Variants in SYCE1L observed in about 807,000 individuals in gnomAD.
The protein encoded by SYCE1L is synaptonemal complex central element protein 1-like.
SYCE1L carries 51 observed loss-of-function variants against 39.6 expected under a neutral mutation model. The observed-to-expected ratio is 1.29, with a 90% CI of 1.03 to 1.63. SYCE1L has a LOEUF of 1.63. Among genes scored for constraint, SYCE1L ranks in the 40% most tolerant of loss-of-function variants. SYCE1L has a pLI of 0.00. For synonymous variants in SYCE1L, 147 were observed against 122.4 expected, an observed-to-expected ratio of 1.20 and a Z score of -1.33; for missense variants, 426 against 304.9, an observed-to-expected ratio of 1.40 and a Z score of -2.96.
intron 6 of SYCE1L, among the ~76,000 whole-genome samples, chr16:77,210,205 A>G (rs2054813085): frequency 6.6e-6 from 1 of 152,024 alleles, no homozygotes; most frequent in Non-Finnish European, 1.5e-5. Flanking sequence ...ATGCCCGGCT[A>G]ATTTTGTGTT....
At chr16:77,205,846 C>G (rs2054782342) in intron 1 of SYCE1L, among the ~76,000 whole-genome samples, 2 of 152,114 alleles carry the variant, frequency 1.3e-5, no homozygotes, top group Non-Finnish European at 1.5e-5. Flanking sequence ...CCCAAGGCAG[C>G]TTGTAAGTGC....
intron 7 of SYCE1L, 119 bp from the exon 8 acceptor site, chr16:77,212,011 G>C: frequency 8.7e-7 from 1 of 1,155,868 alleles, no homozygotes; most frequent in Non-Finnish European, 1.2e-6. Flanking sequence ...TTAATAAATA[G>C]TTGAATGAAT....
intron 1 of SYCE1L, among the ~76,000 whole-genome samples, chr16:77,204,945 T>C (rs563761349): frequency 6.6e-6 from 1 of 150,470 alleles, no homozygotes; most frequent in Non-Finnish European, 1.5e-5. Flanking sequence ...CTCAGGAGGC[T>C]GAGGCAGGAG....
At chr16:77,209,540 G>A in intron 6 of SYCE1L, 69 bp downstream of exon 6, 2 of 1,517,870 alleles carry the variant, frequency 1.3e-6, no homozygotes, top group Non-Finnish European at 8.9e-7. Context: ...CAAGAGCTGT[G>A]GAAATGAATC....
intron 1 of SYCE1L, 45 bp downstream of exon 1, chr16:77,199,557 C>T: frequency 2.9e-6 from 4 of 1,401,514 alleles, no homozygotes; most frequent in Non-Finnish European, 3.9e-6. Flanking sequence ...CCAACCAGGG[C>T]AGAAAGGAGG....
chr16:77,203,559 A>C (rs1399251255), intron 1 of SYCE1L, among the ~76,000 whole-genome samples: 1 of 151,928 alleles, frequency 6.6e-6, no homozygotes, highest in Admixed American at 6.6e-5. Flanking sequence ...AACATGCTGT[A>C]AGTAATCCCC....
chr16:77,208,786 G>C (rs1301226366), intron 4 of SYCE1L, among the ~76,000 whole-genome samples: 1 of 152,154 alleles, frequency 6.6e-6, no homozygotes, highest in African/African-American at 2.4e-5. Context: ...TGGCTGATTT[G>C]TTTCTTAAGA....
At chr16:77,212,723 C>A (rs2054834333) in intron 10 of SYCE1L, 77 bp downstream of exon 10, 1 of 1,445,474 alleles carries the variant, frequency 6.9e-7, no homozygotes, top group Non-Finnish European at 9.1e-7. Flanking sequence ...CTGGGAGCGG[C>A]CCCCGAGAGT....
intron 6 of SYCE1L, among the ~76,000 whole-genome samples, 198 bp downstream of exon 6, chr16:77,209,669 C>T (rs921469768): frequency 5.5e-4 from 83 of 152,208 alleles, no homozygotes; most frequent in South Asian, 1.0e-3. Flanking sequence ...TTTAATTATT[C>T]GTTACTAATT....
At chr16:77,201,483 G>A (rs2142510308) in intron 1 of SYCE1L, 1 of 152,330 alleles carries the variant, frequency 6.6e-6, no homozygotes, top group East Asian at 1.9e-4. Context: ...ACCTTGTAGA[G>A]AAACAGGCCT....
chr16:77,207,715 T>C (rs961223440), intron 2 of SYCE1L, among the ~76,000 whole-genome samples: 1 of 152,112 alleles, frequency 6.6e-6, no homozygotes, highest in African/African-American at 2.4e-5. Context: ...TTTCTGCTAC[T>C]CTCCACTTGC....
intron 5 of SYCE1L, 125 bp downstream of exon 5, chr16:77,209,269 C>G: frequency 1.5e-6 from 2 of 1,342,672 alleles, no homozygotes; most frequent in Non-Finnish European, 2.1e-6. Flanking sequence ...CTGCACAGAT[C>G]TCTTCCTGGA....
intron 1 of SYCE1L, among the ~76,000 whole-genome samples, chr16:77,204,911 G>A (rs78833012): frequency 0.016 from 2,395 of 152,002 alleles, 45 homozygotes; most frequent in Admixed American, 0.043. Context: ...CAGGTGAGGC[G>A]GCGTGCGCCT....
intron 1 of SYCE1L, chr16:77,200,700 G>C (rs919376758): frequency 7.0e-6 from 1 of 142,132 alleles, no homozygotes; most frequent in African/African-American, 2.6e-5. Context: ...AGGTTATCGT[G>C]AGCTGACATT....
chr16:77,204,000 G>T (rs756706078), intron 1 of SYCE1L, among the ~76,000 whole-genome samples: 20 of 151,766 alleles, frequency 1.3e-4, no homozygotes, highest in Non-Finnish European at 2.4e-4. Flanking sequence ...TGATCAAGAG[G>T]AAATGAATAA....
intron 1 of SYCE1L, among the ~76,000 whole-genome samples, chr16:77,205,060 A>AAG (rs55668637): frequency 6.9e-6 from 1 of 145,194 alleles, no homozygotes; most frequent in Non-Finnish European, 1.5e-5. Flanking sequence ...AAAAAAAAAA[A>AAG]GAAAAGAAAA....
In SYCE1L at chr16:77,200,272, G is replaced by GTATATATATATATATATATATATA. The variant is rs1333107439; in HGVS notation, c.61+761_61+762insATATATATATATATATATATATAT. On this transcript the variant is annotated intron_variant, in intron 1 of 10. Transcript: ENST00000378644. ...TGTATATGTGTATATATATATATATGTGTATATATATATATATATACACAC... is the reference window on the plus strand; with the variant it reads ...TGTATATGTGTATATATATATATATGTATATATATATATATATATATATATGTATATATATATATATATACACAC... The GTATATATATATATATATATATATA allele has an allele frequency of 1.2e-3, 102 of 84,532 alleles. 1 individual carries two copies. Among genetic ancestry groups the GTATATATATATATATATATATATA allele is most frequent in the Middle Eastern group, 4.9e-3 (1 of 204 alleles). The allele number at this position is 84,532 out of a possible 1,614,324, so 5.2% of individuals were successfully genotyped here.
intron 2 of SYCE1L, among the ~76,000 whole-genome samples, chr16:77,207,643 A>G (rs184967894): frequency 6.6e-6 from 1 of 152,292 alleles, no homozygotes; most frequent in Admixed American, 6.5e-5. Context: ...AGTTACATCT[A>G]AAGGCTTCCA....
chr16:77,204,192 C>A (rs1159266547), intron 1 of SYCE1L, among the ~76,000 whole-genome samples: 1 of 152,146 alleles, frequency 6.6e-6, no homozygotes, highest in African/African-American at 2.4e-5. Flanking sequence ...TCCCTTTGGT[C>A]CACCAGGTAG....
Sources: allele counts gnomAD v4.1 joint callset (sites outside exome capture counted in the v4.1 genomes callset), GRCh38; gene constraint gnomAD v4.1.1; transcripts MANE v1.5; gene names NCBI Gene and HGNC (gene_info 2026-07-23, HGNC 2026-07-21).